Variants in AHCY observed in about 807,000 individuals in gnomAD.
The protein encoded by AHCY is adenosylhomocysteinase, also known as S-adenosyl-L-homocysteine hydrolase.
In AHCY, 24 loss-of-function variants were observed where a neutral mutation model predicts 45.4. That is an observed-to-expected ratio of 0.53 (90% CI 0.38 to 0.74). The LOEUF is 0.74. AHCY is among the 30% of genes least tolerant of loss of function. AHCY has a pLI of 0.00. For synonymous variants in AHCY, 245 were observed against 235.1 expected (o/e 1.04, Z -0.39); for missense variants, 449 against 594.1 (o/e 0.76, Z 2.54).
the AHCY span, among the ~76,000 whole-genome samples, chr20:34,253,385 C>T: frequency 1.3e-5 from 2 of 151,598 alleles, no homozygotes; most frequent in Admixed American, 6.6e-5. Flanking sequence ...GGATTACGGG[C>T]GTGAGCCACC....
intron 8 of AHCY, among the ~76,000 whole-genome samples, chr20:34,289,681 T>A (rs1480360899): frequency 6.6e-6 from 1 of 151,800 alleles, no homozygotes; most frequent in Non-Finnish European, 1.5e-5. Context: ...TTTCATCATA[T>A]TGGTCAGGCT....
chr20:34,263,797 T>G, the AHCY span, among the ~76,000 whole-genome samples: 2 of 151,596 alleles, frequency 1.3e-5, no homozygotes, highest in East Asian at 3.9e-4. Context: ...GCCTCCCGAG[T>G]AGCTGGAATT....
At chr20:34,303,502 C>A, upstream of AHCY, 1 of 681,956 alleles carries the variant, frequency 1.5e-6, no homozygotes, top group African/African-American at 1.8e-5. Context: ...GGCGTGGCCC[C>A]AGGAGTCTCA....
Position 34,292,474 on chromosome 20 carries a change from T to A in AHCY, c.329A>T (p.Tyr110Phe), listed in dbSNP as rs767304411. 1 of 1,614,140 alleles carries A rather than the reference T, an allele frequency of 6.2e-7. No homozygotes were observed. Among genetic ancestry groups the A allele is most frequent in the South Asian group, 1.1e-5 (1 of 91,080 alleles). Residue 110 changes from tyrosine to phenylalanine, a missense_variant, in exon 4 of 10, where the codon TAC (tyrosine) becomes TTC (phenylalanine). By Grantham distance (22) the Tyr-to-Phe change is conservative (BLOSUM62 3). Coordinates refer to ENST00000217426, the MANE Select transcript of AHCY (RefSeq NM_000687.4). ...CAGGGTCTGCTCAATGCACCACAGG[T>A]ACTCCTCGTCCGTTTCGCCCTTCCA... Reference protein sequence around the residue: ...YAWKGETDEEYLWCIEQTLYF... With the variant: ...YAWKGETDEEFLWCIEQTLYF...
chr20:34,252,203 A>G, the AHCY span, among the ~76,000 whole-genome samples: 2 of 152,242 alleles, frequency 1.3e-5, no homozygotes, highest in Non-Finnish European at 2.9e-5. Flanking sequence ...GACAAAGTAT[A>G]GAGAAAGAAC....
intron 9 of AHCY, chr20:34,281,520 C>T (rs2036000718): frequency 8.3e-6 from 3 of 361,740 alleles, no homozygotes; most frequent in Non-Finnish European, 5.4e-6. Context: ...TCCAACCCCA[C>T]TGGGATTCCT....
the AHCY span, among the ~76,000 whole-genome samples, chr20:34,239,069 C>T: frequency 1.3e-5 from 2 of 152,114 alleles, no homozygotes; most frequent in African/African-American, 4.8e-5. Context: ...ATTTAAGCCC[C>T]CAAAGACACC....
intron 1 of AHCY, among the ~76,000 whole-genome samples, chr20:34,298,879 C>T: frequency 6.6e-6 from 1 of 152,108 alleles, no homozygotes; most frequent in East Asian, 1.9e-4. Flanking sequence ...AGCTGTCTTT[C>T]TCTCTGTCTC....
At chr20:34,279,338 A>T (rs948444123), downstream of AHCY, among the ~76,000 whole-genome samples, 2 of 149,144 alleles carry the variant, frequency 1.3e-5, no homozygotes, top group Non-Finnish European at 3.0e-5. Context: ...GAAGAATGGC[A>T]TGAACCTGGG....
At chr20:34,261,938 C>T in the AHCY span, among the ~76,000 whole-genome samples, 1 of 151,966 alleles carries the variant, frequency 6.6e-6, no homozygotes. Flanking sequence ...CATGGCAAAA[C>T]CCCATCTCTA....
the AHCY span, among the ~76,000 whole-genome samples, chr20:34,261,254 T>G: frequency 6.6e-6 from 1 of 152,168 alleles, no homozygotes; most frequent in Non-Finnish European, 1.5e-5. Flanking sequence ...TCCCAGCACT[T>G]TGGGAAGCTG....
In AHCY at chr20:34,299,614, G is replaced by A. The variant is rs1372247596; in HGVS notation, c.28+3629C>T. On this transcript the variant is annotated intron_variant, in intron 1 of 9. Coordinates refer to ENST00000217426, the MANE Select transcript of AHCY (RefSeq NM_000687.4). ...AACTACTCCCCTGAACTTGAGACTCGATGTGATCCAACTGCCTCCACAGCA... is the reference window on the plus strand; with the variant it reads ...AACTACTCCCCTGAACTTGAGACTCAATGTGATCCAACTGCCTCCACAGCA... 3.9e-5 allele frequency among the ~76,000 whole-genome samples: 6 copies of A among 152,058 alleles called. No homozygotes were observed. The East Asian group carries it at 9.6e-4, about 24-fold the overall frequency.
chr20:34,287,318 C>G (rs1489437559), intron 8 of AHCY, among the ~76,000 whole-genome samples: 2 of 151,956 alleles, frequency 1.3e-5, no homozygotes, highest in African/African-American at 4.8e-5. Context: ...GGGGTCTGTA[C>G]TAAGAGTGTG....
chr20:34,285,325 T>G (rs867931584), intron 9 of AHCY, 115 bp downstream of exon 9: 2 of 1,142,990 alleles, frequency 1.7e-6, no homozygotes, highest in Middle Eastern at 2.8e-4. Context: ...GAGGACCCCA[T>G]GAGGGCCTCT....
At chr20:34,276,027 G>A (rs566351828), downstream of AHCY, among the ~76,000 whole-genome samples, 8 of 151,698 alleles carry the variant, frequency 5.3e-5, no homozygotes, top group Non-Finnish European at 8.9e-5. Context: ...TGGCCTTCGT[G>A]GGGGCAAAGG....
intron 9 of AHCY, among the ~76,000 whole-genome samples, 195 bp downstream of exon 9, chr20:34,285,245 A>C (rs1359304239): frequency 2.0e-5 from 3 of 152,168 alleles, no homozygotes; most frequent in African/African-American, 7.2e-5. Context: ...GCTGTGCTCC[A>C]GGGAGCCACT....
upstream of AHCY, among the ~76,000 whole-genome samples, chr20:34,305,167 A>AG: frequency 6.6e-6 from 1 of 150,642 alleles, no homozygotes; most frequent in East Asian, 2.0e-4. Context: ...TACAAAAAAA[A>AG]AAAAAAATTA....
the AHCY span, among the ~76,000 whole-genome samples, chr20:34,233,653 A>G: frequency 0.11 from 16,889 of 152,230 alleles, 992 homozygotes; most frequent in South Asian, 0.19. Flanking sequence ...TCTGAAGATA[A>G]TGAATTGGCT....
chr20:34,268,016 G>C, the AHCY span, among the ~76,000 whole-genome samples: 1 of 152,174 alleles, frequency 6.6e-6, no homozygotes, highest in South Asian at 2.1e-4. Flanking sequence ...CCAATGCTCA[G>C]TTTTGACAAG....
Sources: allele counts gnomAD v4.1 joint callset (sites outside exome capture counted in the v4.1 genomes callset), GRCh38; gene constraint gnomAD v4.1.1; transcripts MANE v1.5; gene names NCBI Gene and HGNC (gene_info 2026-07-23, HGNC 2026-07-21).